The following FOXK2 variants were observed in gnomAD, a reference collection of about 807,000 sequenced individuals.
The protein encoded by FOXK2 is forkhead box K2, also known as forkhead box protein K2.
A neutral mutation model predicts 53.3 loss-of-function variants in FOXK2; 24 were observed. That is an observed-to-expected ratio of 0.45 (90% confidence interval 0.33 to 0.63). FOXK2 has a LOEUF of 0.63. FOXK2 is among the 30% of genes least tolerant of loss of function. The pLI is 0.03. For missense variants in FOXK2, 952 were observed against 910.5 expected, an observed-to-expected ratio of 1.05 and a Z score of -0.59; for synonymous variants, 505 against 407.1, an observed-to-expected ratio of 1.24 and a Z score of -2.89.
intron 7 of FOXK2, 109 bp from the exon 8 acceptor site, chr17:82,586,954 G>C: frequency 2.0e-6 from 2 of 998,584 alleles, no homozygotes; most frequent in African/African-American, 1.6e-5. Context: ...TTGTTTTAGA[G>C]ACATTTTCTA....
intron 1 of FOXK2, among the ~76,000 whole-genome samples, chr17:82,540,951 G>A (rs1430143585): frequency 6.6e-6 from 1 of 152,152 alleles, no homozygotes; most frequent in Non-Finnish European, 1.5e-5. Flanking sequence ...GCTGACAGTG[G>A]CATAGCTTGG....
At chr17:82,545,890 C>T (rs988179575) in intron 1 of FOXK2, among the ~76,000 whole-genome samples, 58 of 152,020 alleles carry the variant, frequency 3.8e-4, no homozygotes, top group African/African-American at 1.2e-3. Flanking sequence ...CCGATGTGTT[C>T]AGCTTTCTTA....
intron 1 of FOXK2, among the ~76,000 whole-genome samples, chr17:82,535,954 C>T (rs764600838): frequency 7.9e-5 from 12 of 151,962 alleles, no homozygotes; most frequent in Non-Finnish European, 1.3e-4. Context: ...GTTGGTCAGG[C>T]GGGTCTGGAA....
At position 82,602,490 on chromosome 17, in the gene FOXK2, C is replaced by G. The variant is rs2045397121; in HGVS notation, c.*991C>G. The G allele has an allele frequency of 6.6e-6, 1 of 152,266 alleles. No individual in the cohort carries two copies. The highest frequency in any genetic ancestry group is 1.9e-4 in the East Asian group (1 of 5,204). 9.4% of individuals were successfully genotyped at this position (152,266 alleles called of 1,614,324 possible). A position where few individuals can be genotyped will look rare whatever the true frequency, so the allele number is the denominator to read the frequency against. On this transcript the variant is annotated 3_prime_UTR_variant, in exon 9 of 9. Coordinates refer to ENST00000335255, the MANE Select transcript of FOXK2 (RefSeq NM_004514.4). ...CTTTTGAAACTCAGATCCCAGGTCT[C>G]TCCGTGGTATGTTTGTATTTGGGGT...
At chr17:82,583,183 C>T (rs546698016) in intron 5 of FOXK2, among the ~76,000 whole-genome samples, 58 of 152,322 alleles carry the variant, frequency 3.8e-4, no homozygotes, top group African/African-American at 1.3e-3. Context: ...TGGGGCTCAT[C>T]GCATGTTGTT....
chr17:82,584,400 C>T (rs144465226), intron 6 of FOXK2, among the ~76,000 whole-genome samples: 4 of 152,000 alleles, frequency 2.6e-5, no homozygotes, highest in Admixed American at 2.6e-4. Context: ...TGAGTAGATG[C>T]CTGAAATAAC....
intron 1 of FOXK2, among the ~76,000 whole-genome samples, chr17:82,534,019 G>C (rs538335896): frequency 6.6e-6 from 1 of 150,942 alleles, no homozygotes; most frequent in South Asian, 2.1e-4. Context: ...AGGTAGATAA[G>C]ATAGCCGGGC....
At chr17:82,578,565 A>G (rs776274414) in intron 4 of FOXK2, 10 of 152,184 alleles carry the variant, frequency 6.6e-5, no homozygotes, top group Non-Finnish European at 2.9e-5. Context: ...CCTTAGAAAC[A>G]TAGTTACTTT....
At chr17:82,554,431 C>T (rs1023152805) in intron 1 of FOXK2, among the ~76,000 whole-genome samples, 15 of 152,108 alleles carry the variant, frequency 9.9e-5, no homozygotes, top group Non-Finnish European at 1.6e-4. Flanking sequence ...AATTTCCATT[C>T]CCACAAGAAA....
intron 1 of FOXK2, among the ~76,000 whole-genome samples, chr17:82,523,245 G>T (rs561728602): frequency 6.6e-6 from 1 of 151,952 alleles, no homozygotes; most frequent in African/African-American, 2.4e-5. Context: ...ATGGGCCTGG[G>T]ACTCTCTACC....
chr17:82,584,003 G>T lies in FOXK2; in HGVS notation c.1104-10G>T. ...TGTAACCATGCAATGTCTTCTTCTC[G>T]GTGACACAGGAGTGCCCCAGCCTCT... On this transcript the variant is annotated splice_polypyrimidine_tract_variant and intron_variant, in intron 5 of 8. Transcript: ENST00000335255. 6.4e-7 allele frequency: 1 copy of T among 1,573,732 alleles called. No homozygotes were observed. The highest frequency in any genetic ancestry group is 8.6e-7 in the Non-Finnish European group (1 of 1,156,346).
At chr17:82,530,510 GTT>G (rs753680491) in intron 1 of FOXK2, among the ~76,000 whole-genome samples, 74 of 114,584 alleles carry the variant, frequency 6.5e-4, no homozygotes, top group African/African-American at 1.7e-3. Context: ...CTACTGATGT[GTT>G]TTTTTTTTTT....
chr17:82,529,554 A>T (rs62078092), intron 1 of FOXK2, among the ~76,000 whole-genome samples: 1 of 151,706 alleles, frequency 6.6e-6, no homozygotes, highest in Admixed American at 6.6e-5. Context: ...CTCCCAGCTA[A>T]TTTTTGTATT....
intron 8 of FOXK2, chr17:82,599,142 G>A (rs1485180674): frequency 7.1e-6 from 1 of 141,428 alleles, no homozygotes; most frequent in Non-Finnish European, 1.5e-5. Flanking sequence ...TTGTCCCCCA[G>A]ACTGGAGTGC....
chr17:82,558,051 G>T (rs892966440), intron 1 of FOXK2, among the ~76,000 whole-genome samples: 13 of 152,292 alleles, frequency 8.5e-5, no homozygotes, highest in Admixed American at 1.3e-4. Flanking sequence ...GAAACATTGG[G>T]GTTGGGTACA....
At position 82,520,023 on chromosome 17, in the gene FOXK2, C is replaced by CCGA; in HGVS notation, c.135_136insCGA (p.Phe45_Glu46insArg). ...TGGCGCGCCTGGAGGGCCGCGAGTT[C>CCGA]GAGTATCTGATGAAGAAGCGCTCGG... On this transcript the variant is annotated inframe_insertion, in exon 1 of 9. Coordinates refer to ENST00000335255, the MANE Select transcript of FOXK2 (RefSeq NM_004514.4). 3 of 1,487,324 alleles carry CCGA rather than the reference C, an allele frequency of 2.0e-6. No individual in the cohort carries two copies. The highest frequency in any genetic ancestry group is 2.7e-6 in the Non-Finnish European group (3 of 1,116,774). The allele number at this position is 1,487,324 out of a possible 1,614,324, so 92.1% of individuals were successfully genotyped here.
At position 82,581,091 on chromosome 17, in the gene FOXK2, ATAAG is replaced by A. The variant is rs2143085114; in HGVS notation, c.910-1649_910-1646del. Among the ~76,000 whole-genome samples the A allele has an allele frequency of 2.0e-5, 3 of 152,386 alleles. No individual in the cohort carries two copies. The South Asian group carries it at 6.2e-4, about 32-fold the overall frequency. On this transcript the variant is annotated intron_variant, in intron 4 of 8. Transcript: ENST00000335255. The stretch of plus-strand genomic sequence containing the variant: ...ATTCAGGCTGAGGCTTGCAATTCTA[ATAAG>A]GTTAATTGGGGAATTTAGAAATGAT...
At chr17:82,554,174 A>C (rs115504272) in intron 1 of FOXK2, among the ~76,000 whole-genome samples, 4 of 152,294 alleles carry the variant, frequency 2.6e-5, no homozygotes, top group African/African-American at 7.2e-5. Context: ...TAGTTTGACA[A>C]ATCGGCTAGT....
At chr17:82,596,476 C>T (rs1598241177) in intron 8 of FOXK2, among the ~76,000 whole-genome samples, 2 of 14,148 alleles carry the variant, frequency 1.4e-4, no homozygotes, top group South Asian at 4.2e-3. Flanking sequence ...CCTGCCCCAC[C>T]GGTTGCCCTG....
Sources: allele counts gnomAD v4.1 joint callset (sites outside exome capture counted in the v4.1 genomes callset), GRCh38; gene constraint gnomAD v4.1.1; transcripts MANE v1.5; gene names NCBI Gene and HGNC (gene_info 2026-07-23, HGNC 2026-07-21).